PDE1C: variants seen among roughly 807,000 people sequenced by gnomAD.
PDE1C encodes the protein dual specificity calcium/calmodulin-dependent 3',5'-cyclic nucleotide phosphodiesterase 1C.
In PDE1C, 62 loss-of-function variants were observed where a neutral mutation model predicts 93.1. The ratio of observed to expected loss-of-function variants is 0.67; its 90% CI spans 0.54 to 0.82. The LOEUF is 0.82. PDE1C is among the 40% of genes least tolerant of loss of function. PDE1C has a pLI of 0.00. For synonymous variants in PDE1C, 325 were observed against 310.1 expected (o/e 1.05, Z -0.50); for missense variants, 742 against 884.6 (o/e 0.84, Z 2.04).
intron 1 of PDE1C, among the ~76,000 whole-genome samples, chr7:32,256,736 C>T (rs939162357): frequency 3.3e-5 from 5 of 152,208 alleles, no homozygotes; most frequent in Admixed American, 3.3e-4. Context: ...CTGTTGGCCC[C>T]AGTTTCCTCA....
rs2240676 is a variant in PDE1C, at chr7:32,209,604, A to G, written c.86-65T>C. 0.43 allele frequency: 569,616 copies of G among 1,335,522 alleles called. 122,028 individuals carry two copies. The highest frequency in any genetic ancestry group is 0.54 in the South Asian group (41,415 of 76,992). The allele number at this position is 1,335,522 out of a possible 1,614,324, so 82.7% of individuals were successfully genotyped here. On this transcript the variant is annotated intron_variant, in intron 1 of 18. Coordinates refer to the PDE1C transcript ENST00000396193. ...CAATGTGTCCACCAAATATGCCCCAATACAGCCAATCCCCTGGATGCTTTG... is the reference window on the plus strand; with the variant it reads ...CAATGTGTCCACCAAATATGCCCCAGTACAGCCAATCCCCTGGATGCTTTG...
At chr7:32,415,133 C>G (rs1436335239) in intron 1 of PDE1C, among the ~76,000 whole-genome samples, 3 of 152,102 alleles carry the variant, frequency 2.0e-5, no homozygotes, top group African/African-American at 2.4e-5. Context: ...CCTGGGCAAC[C>G]TAGCAAGACT....
chr7:32,226,300 T>C (rs1349619017), intron 1 of PDE1C, among the ~76,000 whole-genome samples: 1 of 152,104 alleles, frequency 6.6e-6, no homozygotes, highest in African/African-American at 2.4e-5. Flanking sequence ...TCACACAGCA[T>C]TGAGAAGAAA....
intron 16 of PDE1C, among the ~76,000 whole-genome samples, chr7:31,799,449 C>A (rs1236732314): frequency 6.6e-6 from 1 of 151,580 alleles, no homozygotes; most frequent in Non-Finnish European, 1.5e-5. Flanking sequence ...AATGGCTTGG[C>A]AAATCAATTC....
chr7:32,314,762 A>G (rs10951331), intron 1 of PDE1C, among the ~76,000 whole-genome samples: 33,156 of 151,910 alleles, frequency 0.22, 3,756 homozygotes, highest in African/African-American at 0.25. Flanking sequence ...TGAAACCAGA[A>G]AGAATAGACA....
At chr7:31,743,973 G>A in the PDE1C span, among the ~76,000 whole-genome samples, 1 of 152,202 alleles carries the variant, frequency 6.6e-6, no homozygotes, top group Non-Finnish European at 1.5e-5. Flanking sequence ...GCCCCCAGAT[G>A]TAGGACAACT....
intron 14 of PDE1C, among the ~76,000 whole-genome samples, chr7:31,821,317 C>G (rs1277313391): frequency 6.6e-6 from 1 of 152,100 alleles, no homozygotes; most frequent in African/African-American, 2.4e-5. Context: ...GTTTATTTAT[C>G]TGTTCTTTTT....
chr7:31,625,133 G>A, the PDE1C span, among the ~76,000 whole-genome samples: 1 of 152,094 alleles, frequency 6.6e-6, no homozygotes, highest in Admixed American at 6.6e-5. Context: ...ACAGGTGCTG[G>A]AGAGGATGTG....
At chr7:31,819,533 G>A (rs781337475) in intron 14 of PDE1C, among the ~76,000 whole-genome samples, 6 of 152,018 alleles carry the variant, frequency 3.9e-5, no homozygotes, top group Non-Finnish European at 5.9e-5. Flanking sequence ...AGAGATGTGC[G>A]GTTCATTTCT....
At chr7:31,635,596 T>A in the PDE1C span, among the ~76,000 whole-genome samples, 4 of 152,222 alleles carry the variant, frequency 2.6e-5, no homozygotes, top group African/African-American at 9.6e-5. Context: ...TGGAGGAAAT[T>A]ACTCTTTCTA....
At chr7:31,896,950 C>T (rs954111363) in intron 2 of PDE1C, among the ~76,000 whole-genome samples, 1 of 152,204 alleles carries the variant, frequency 6.6e-6, no homozygotes, top group Non-Finnish European at 1.5e-5. Flanking sequence ...ACATGCATTG[C>T]TGGAGAGAAG....
chr7:31,864,972 CA>C lies in PDE1C; in HGVS notation c.719del (p.Val240GlyfsTer14), dbSNP rs1795114122. 1 of 1,613,872 alleles carries C rather than the reference CA, an allele frequency of 6.2e-7. No homozygotes were observed. The highest frequency in any genetic ancestry group is 8.5e-7 in the Non-Finnish European group (1 of 1,179,914). ...CTCCTGTCTTATAGAGGAGGTAATG[CA>C]CTGTCTGTGTAACATCGGCAGCGTG... ...LMHAADVTQTVHYLLYKTGVA... is the reference protein window; with the variant it reads ...LMHAADVTQTXHYLLYKTGVA... On this transcript the variant is annotated frameshift_variant, in exon 7 of 18. Coordinates refer to ENST00000396191, the MANE Select transcript of PDE1C (RefSeq NM_001191057.4). LOFTEE classifies it high-confidence loss of function.
At chr7:31,953,324 C>T (rs564782429) in intron 2 of PDE1C, among the ~76,000 whole-genome samples, 9 of 152,276 alleles carry the variant, frequency 5.9e-5, no homozygotes, top group African/African-American at 1.7e-4. Context: ...ACTCATGCTC[C>T]ACTCTGAAGG....
chr7:31,842,370 T>C (rs1267499422), intron 9 of PDE1C, among the ~76,000 whole-genome samples: 2 of 152,152 alleles, frequency 1.3e-5, no homozygotes, highest in Non-Finnish European at 2.9e-5. Context: ...ATTGGTATTA[T>C]CTGTTCTTTA....
chr7:31,641,137 G>T, the PDE1C span, among the ~76,000 whole-genome samples: 17 of 152,248 alleles, frequency 1.1e-4, no homozygotes, highest in Middle Eastern at 6.8e-3. Flanking sequence ...TGCTGCTCTT[G>T]TGAGTGGAAC....
upstream of PDE1C, among the ~76,000 whole-genome samples, chr7:32,076,036 G>T (rs922827549): frequency 6.6e-6 from 1 of 152,084 alleles, no homozygotes; most frequent in Non-Finnish European, 1.5e-5. Flanking sequence ...TCTGGCCTGG[G>T]CTAACCAAGC....
intron 6 of PDE1C, among the ~76,000 whole-genome samples, chr7:31,872,228 G>C (rs969812042): frequency 2.0e-5 from 3 of 152,082 alleles, no homozygotes; most frequent in African/African-American, 7.2e-5. Context: ...GGATGTGTGT[G>C]GGGGTATAGG....
At chr7:31,984,773 A>G (rs1207014947) in intron 2 of PDE1C, among the ~76,000 whole-genome samples, 1 of 152,218 alleles carries the variant, frequency 6.6e-6, no homozygotes, top group African/African-American at 2.4e-5. Flanking sequence ...CTGTTACCTC[A>G]GTTAACAAAA....
chr7:32,325,992 A>G (rs1253256274), intron 1 of PDE1C, among the ~76,000 whole-genome samples: 2 of 152,090 alleles, frequency 1.3e-5, no homozygotes, highest in Non-Finnish European at 2.9e-5. Context: ...AAGTAGTGAG[A>G]TTCTAATTAT....
Sources: gnomAD v4.1 joint callset for allele counts (sites outside exome capture counted in the v4.1 genomes callset) on GRCh38, gnomAD v4.1.1 for gene constraint, MANE v1.5 for transcripts, NCBI Gene and HGNC (gene_info 2026-07-23, HGNC 2026-07-21) for gene names.